The following CNTN1 variants were observed in gnomAD, a reference collection of about 807,000 sequenced individuals.
CNTN1 encodes contactin 1.
CNTN1 carries 38 observed loss-of-function variants against 126.4 expected under a neutral mutation model. That is an observed-to-expected ratio of 0.30 (90% CI 0.23 to 0.39). CNTN1 has a LOEUF of 0.39. Among genes scored for constraint, CNTN1 ranks in the 10% least tolerant of loss-of-function variants. The probability of loss-of-function intolerance (pLI) is 1.00; values close to 1 mark genes in which losing one functional copy is unlikely to be tolerated. For synonymous variants in CNTN1, 413 were observed against 422.6 expected (o/e 0.98, Z 0.28); for missense variants, 1,009 against 1,248.4 (o/e 0.81, Z 2.89).
intron 4 of CNTN1, 84 bp downstream of exon 4, chr12:40,918,855 T>C: frequency 2.0e-6 from 3 of 1,520,612 alleles, no homozygotes; most frequent in Non-Finnish European, 2.7e-6. Context: ...ACAGATGTAA[T>C]ATAGTGCTTT....
At chr12:40,952,647 T>A (rs1365427726) in intron 14 of CNTN1, among the ~76,000 whole-genome samples, 2 of 152,108 alleles carry the variant, frequency 1.3e-5, no homozygotes, top group Non-Finnish European at 2.9e-5. Context: ...AGGCTTGTTA[T>A]TAAGAGTAAG....
intron 23 of CNTN1, among the ~76,000 whole-genome samples, chr12:41,067,541 C>T (rs558736876): frequency 6.8e-6 from 1 of 147,538 alleles, no homozygotes; most frequent in East Asian, 2.0e-4. Flanking sequence ...ACCGCATATT[C>T]TCACTCATAG....
chr12:40,881,485 C>T lies in CNTN1; in HGVS notation c.-76-26872C>T, dbSNP rs139013084. ...GAGGTTCCTAAACTTTTGCAAGTTACAGCACTCTTAATTTTTCGGTTATTT... is the reference window on the plus strand; with the variant it reads ...GAGGTTCCTAAACTTTTGCAAGTTATAGCACTCTTAATTTTTCGGTTATTT... On this transcript the variant is annotated intron_variant, in intron 1 of 23. Transcript: ENST00000551295. 4.1e-4 allele frequency among the ~76,000 whole-genome samples: 62 copies of T among 151,904 alleles called. 1 individual carries two copies. The East Asian group carries it at 0.012, about 28-fold the overall frequency.
chr12:41,012,167 T>G (rs34622861), intron 17 of CNTN1, among the ~76,000 whole-genome samples: 1 of 151,904 alleles, frequency 6.6e-6, no homozygotes, highest in Non-Finnish European at 1.5e-5. Context: ...CAGAGTGACC[T>G]TGACATGCCA....
chr12:40,791,101 C>G (rs1269933946), intron 1 of CNTN1, among the ~76,000 whole-genome samples: 1 of 152,136 alleles, frequency 6.6e-6, no homozygotes, highest in Non-Finnish European at 1.5e-5. Flanking sequence ...GCGTTAATAA[C>G]TACCCTTTTT....
chr12:40,865,194 T>C (rs1393349226), intron 1 of CNTN1, among the ~76,000 whole-genome samples: 1 of 152,168 alleles, frequency 6.6e-6, no homozygotes, highest in African/African-American at 2.4e-5. Context: ...AATTGGGATT[T>C]TTGTCTTTTT....
intron 1 of CNTN1, among the ~76,000 whole-genome samples, chr12:40,795,274 TACAC>T (rs71078269): frequency 0.032 from 3,936 of 123,928 alleles, 226 homozygotes; most frequent in African/African-American, 0.11. Context: ...TCTACATGTA[TACAC>T]ACACACACAC....
intron 18 of CNTN1, among the ~76,000 whole-genome samples, chr12:41,015,787 A>T (rs891076422): frequency 2.6e-5 from 4 of 152,138 alleles, no homozygotes; most frequent in African/African-American, 9.7e-5. Context: ...GCTAACTGAC[A>T]AGTACTCACT....
At chr12:41,037,354 C>A (rs1949288970) in intron 23 of CNTN1, among the ~76,000 whole-genome samples, 1 of 152,046 alleles carries the variant, frequency 6.6e-6, no homozygotes, top group Non-Finnish European at 1.5e-5. Flanking sequence ...TAATTCTACA[C>A]TTTTGCTGTA....
rs1175956405 is a variant in CNTN1 at position 40,993,204 on chromosome 12, C to T, written c.2048C>T (p.Ala683Val). 1.2e-6 allele frequency: 2 copies of T among 1,613,772 alleles called. No individual in the cohort carries two copies. The highest frequency in any genetic ancestry group is 1.7e-6 in the Non-Finnish European group (2 of 1,179,738). ...ATGGAGTATGAATTCCGCGTGGTAGCAACCAATACACTGGGTAGAGGAGAG... is the reference window on the plus strand; with the variant it reads ...ATGGAGTATGAATTCCGCGTGGTAGTAACCAATACACTGGGTAGAGGAGAG... ...PWMEYEFRVV[A>V]TNTLGRGEPS... Residue 683 changes from alanine to valine, a missense_variant, in exon 17 of 24, where the codon GCA becomes GTA. Transcript: ENST00000551295.
chr12:40,811,780 T>G (rs1443769109), intron 1 of CNTN1, among the ~76,000 whole-genome samples: 5 of 151,742 alleles, frequency 3.3e-5, no homozygotes, highest in Non-Finnish European at 7.4e-5. Context: ...TTGAGTCTTT[T>G]CTCCTTTTTC....
At chr12:40,778,756 A>T (rs1033864345) in intron 1 of CNTN1, among the ~76,000 whole-genome samples, 1 of 151,840 alleles carries the variant, frequency 6.6e-6, no homozygotes, top group African/African-American at 2.4e-5. Flanking sequence ...CTACATAGAA[A>T]ATATTTCCTA....
At chr12:40,783,698 G>T (rs567653669) in intron 1 of CNTN1, among the ~76,000 whole-genome samples, 1 of 151,944 alleles carries the variant, frequency 6.6e-6, no homozygotes, top group Non-Finnish European at 1.5e-5. Flanking sequence ...TCCTTTACTC[G>T]TTGTGTGAAA....
intron 23 of CNTN1, among the ~76,000 whole-genome samples, chr12:41,047,044 C>G (rs1361567470): frequency 3.3e-5 from 5 of 151,966 alleles, no homozygotes; most frequent in Admixed American, 2.0e-4. Context: ...TGTCCACATC[C>G]AGGCAGAAGG....
At chr12:41,065,900 C>G (rs555214237) in intron 23 of CNTN1, among the ~76,000 whole-genome samples, 3 of 152,362 alleles carry the variant, frequency 2.0e-5, no homozygotes, top group Admixed American at 2.0e-4. Context: ...GATTTTCACT[C>G]TAATCATAGG....
chr12:40,726,943 C>A lies in CNTN1; in HGVS notation c.-77+34351C>A, dbSNP rs534039744. 5.3e-5 allele frequency among the ~76,000 whole-genome samples: 8 copies of A among 150,124 alleles called. No individual in the cohort carries two copies. The South Asian group carries it at 1.3e-3, about 24-fold the overall frequency. ...TATAATAAAATTAATTATGAAAAAT[C>A]TAAATAAAATTAAATAAAAAATTCT... On this transcript the variant is annotated intron_variant, in intron 1 of 23. Coordinates refer to ENST00000551295, the MANE Select transcript of CNTN1 (RefSeq NM_001843.4).
At chr12:40,947,782 T>TATATAC (rs869205213) in intron 14 of CNTN1, among the ~76,000 whole-genome samples, 1 of 118,918 alleles carries the variant, frequency 8.4e-6, no homozygotes, top group Non-Finnish European at 1.8e-5. Flanking sequence ...TATATATATA[T>TATATAC]ACACACACAC....
chr12:40,728,400 G>A (rs1276273963), intron 1 of CNTN1, among the ~76,000 whole-genome samples: 1 of 152,158 alleles, frequency 6.6e-6, no homozygotes, highest in Non-Finnish European at 1.5e-5. Context: ...GCAGGAACAA[G>A]GGGAAGGGTA....
At chr12:40,853,612 T>TGATATACAAGATAAACAAGA (rs1004536200) in intron 1 of CNTN1, among the ~76,000 whole-genome samples, 23 of 152,054 alleles carry the variant, frequency 1.5e-4, no homozygotes, top group Admixed American at 6.6e-4. Flanking sequence ...GATAAACAAG[T>TGATATACAAGATAAACAAGA]GATATACAAG....
Sources: gnomAD v4.1 joint callset for allele counts (sites outside exome capture counted in the v4.1 genomes callset) on GRCh38, gnomAD v4.1.1 for gene constraint, MANE v1.5 for transcripts, NCBI Gene and HGNC (gene_info 2026-07-23, HGNC 2026-07-21) for gene names.